Variants in PPP5C observed in about 807,000 individuals in gnomAD.
PPP5C encodes the protein protein phosphatase 5 catalytic subunit, also known as serine/threonine-protein phosphatase 5.
A neutral mutation model predicts 66.7 loss-of-function variants in PPP5C; 21 were observed. The ratio of observed to expected loss-of-function variants is 0.31; its 90% confidence interval spans 0.22 to 0.45. PPP5C has a LOEUF of 0.45. Ranked by LOEUF, PPP5C falls within the 20% of genes least tolerant of loss-of-function variation. The pLI, the probability that PPP5C is intolerant of heterozygous loss-of-function variation, is 1.00. For synonymous variants in PPP5C, 246 were observed against 257.4 expected (o/e 0.96, Z 0.43); for missense variants, 464 against 675.9 (o/e 0.69, Z 3.48).
intron 1 of PPP5C, among the ~76,000 whole-genome samples, chr19:46,348,670 G>A (rs1173139989): frequency 6.6e-6 from 1 of 152,090 alleles, no homozygotes; most frequent in Non-Finnish European, 1.5e-5. Flanking sequence ...GAATTTGGGT[G>A]TGATCAAACT....
rs139173580 is a variant in PPP5C, at chr19:46,354,657, C to T, written c.363+668C>T. 3.6e-3 allele frequency among the ~76,000 whole-genome samples: 554 copies of T among 152,134 alleles called. 1 individual carries two copies. Among genetic ancestry groups the T allele is most frequent in the African/African-American group, 0.013 (540 of 41,506 alleles). Reference sequence around the variant, plus strand: ...ACAAAAAATACAAAAATTAGCCAAGCGTGGTGGCACGCACCTTTAGTCCCA... The same window carrying T: ...ACAAAAAATACAAAAATTAGCCAAGTGTGGTGGCACGCACCTTTAGTCCCA... On this transcript the variant is annotated intron_variant, in intron 2 of 12. Transcript: ENST00000012443.
At chr19:46,371,101 A>ATC (rs35030288) in intron 2 of PPP5C, among the ~76,000 whole-genome samples, 84,380 of 151,626 alleles carry the variant, frequency 0.56, 23,684 homozygotes, top group South Asian at 0.74. Context: ...CTCATGATGG[A>ATC]TGTCCCTCAC....
In PPP5C at chr19:46,356,329, C is replaced by T. The variant is rs569902188; in HGVS notation, c.363+2340C>T. Among the ~76,000 whole-genome samples, 13 of 152,368 alleles carry T rather than the reference C, an allele frequency of 8.5e-5. No homozygotes were observed. In the South Asian group the frequency reaches 1.4e-3, roughly 17 times the overall value. ...AGGCCTTCAGCCTTGCTCCTTTCTGCGCAGTTCTTCAGGCTCCATGTGCCC... is the reference window on the plus strand; with the variant it reads ...AGGCCTTCAGCCTTGCTCCTTTCTGTGCAGTTCTTCAGGCTCCATGTGCCC... On this transcript the variant is annotated intron_variant, in intron 2 of 12. Transcript: ENST00000012443.
At chr19:46,356,251 A>ACC (rs919759347) in intron 2 of PPP5C, among the ~76,000 whole-genome samples, 1 of 151,940 alleles carries the variant, frequency 6.6e-6, no homozygotes, top group African/African-American at 2.4e-5. Context: ...AGCATTGGGG[A>ACC]CCCCCACATG....
At chr19:46,350,262 G>A (rs1404198837) in intron 1 of PPP5C, among the ~76,000 whole-genome samples, 1 of 152,224 alleles carries the variant, frequency 6.6e-6, no homozygotes, top group African/African-American at 2.4e-5. Flanking sequence ...GGCAGAATAA[G>A]TGAAGTGACT....
chr19:46,387,328 G>A (rs1257530727), intron 8 of PPP5C, 38 bp from the exon 9 acceptor site: 1 of 1,608,532 alleles, frequency 6.2e-7, no homozygotes. Context: ...GTGGGTGGGT[G>A]GCACCTTCCC....
At chr19:46,375,948 A>G (rs2147389789) in intron 3 of PPP5C, among the ~76,000 whole-genome samples, 197 bp downstream of exon 3, 1 of 152,238 alleles carries the variant, frequency 6.6e-6, no homozygotes, top group East Asian at 1.9e-4. Context: ...AGTGAGCGAG[A>G]TTGGAGAGCC....
chr19:46,373,945 G>T (rs1972643230), intron 2 of PPP5C, among the ~76,000 whole-genome samples: 1 of 152,188 alleles, frequency 6.6e-6, no homozygotes, highest in Non-Finnish European at 1.5e-5. Flanking sequence ...CAGCATGCCG[G>T]GGACATGAGT....
At position 46,347,194 on chromosome 19, in the gene PPP5C, C is replaced by A; in HGVS notation, c.98C>A (p.Thr33Asn). The change falls in exon 1 of 13, where the codon ACT becomes AAT. Residue 33 changes from threonine to asparagine, a missense_variant. Around this residue, in one of 2 missense-constraint regions of PPP5C, gnomAD observed 77 missense variants for 49.9 expected, o/e 1.54. Coordinates refer to ENST00000012443, the MANE Select transcript of PPP5C (RefSeq NM_006247.4). ...CTGAAGCGGGCAGAGGAGCTCAAGACTCAGGCCAATGACTACTTCAAAGGT... is the reference window on the plus strand; with the variant it reads ...CTGAAGCGGGCAGAGGAGCTCAAGAATCAGGCCAATGACTACTTCAAAGGT... ...GALKRAEELKTQANDYFKAKD... is the reference protein window; with the variant it reads ...GALKRAEELKNQANDYFKAKD... 6.2e-7 allele frequency: 1 copy of A among 1,607,046 alleles called. No individual in the cohort carries two copies. Among genetic ancestry groups the A allele is most frequent in the Admixed American group, 1.7e-5 (1 of 59,274 alleles).
chr19:46,390,896 G>T lies in PPP5C; in HGVS notation c.*550G>T. 8 of 1,168,652 alleles carry T rather than the reference G, an allele frequency of 6.8e-6. No homozygotes were observed. Among genetic ancestry groups the T allele is most frequent in the Non-Finnish European group, 8.6e-6 (8 of 928,650 alleles). The allele number at this position is 1,168,652 out of a possible 1,614,324, so 72.4% of individuals were successfully genotyped here. On this transcript the variant is annotated 3_prime_UTR_variant, in exon 13 of 13. Transcript: ENST00000012443. Reference sequence around the variant, plus strand: ...GAGCCGAAGGAGCTGCCCGGGTTGGGTTACGCCTGCTCAGGAGATCCGGAG... The same window carrying T: ...GAGCCGAAGGAGCTGCCCGGGTTGGTTTACGCCTGCTCAGGAGATCCGGAG...
At chr19:46,379,972 T>C (rs1972762365) in intron 4 of PPP5C, among the ~76,000 whole-genome samples, 1 of 152,228 alleles carries the variant, frequency 6.6e-6, no homozygotes, top group Non-Finnish European at 1.5e-5. Context: ...CTTGTCCTAT[T>C]CTACTTTCAA....
intron 2 of PPP5C, among the ~76,000 whole-genome samples, chr19:46,372,109 A>G (rs1024276276): frequency 4.6e-5 from 7 of 152,098 alleles, no homozygotes; most frequent in Admixed American, 3.9e-4. Context: ...ATGGCCGTGT[A>G]TGTGCTTGTG....
intron 2 of PPP5C, among the ~76,000 whole-genome samples, chr19:46,358,821 A>G (rs893292519): frequency 6.6e-6 from 1 of 152,166 alleles, no homozygotes; most frequent in Admixed American, 6.5e-5. Flanking sequence ...ACAGGGTGTA[A>G]GTGATGGCAT....
intron 6 of PPP5C, 125 bp downstream of exon 6, chr19:46,384,003 T>C (rs1279601019): frequency 1.2e-6 from 1 of 811,282 alleles, no homozygotes; most frequent in East Asian, 2.5e-5. Flanking sequence ...GGCCTGGCCA[T>C]GCTGGGGCAC....
intron 2 of PPP5C, among the ~76,000 whole-genome samples, chr19:46,364,646 T>C: frequency 6.6e-6 from 1 of 152,054 alleles, no homozygotes. Context: ...AAGGGTTTTC[T>C]GGGGGAGTTT....
chr19:46,364,034 A>G (rs570014196), intron 2 of PPP5C, among the ~76,000 whole-genome samples: 2 of 152,340 alleles, frequency 1.3e-5, no homozygotes, highest in Non-Finnish European at 1.5e-5. Context: ...ATCAAAGAAC[A>G]GGACTTAGAG....
chr19:46,364,234 A>G (rs1972454310), intron 2 of PPP5C, among the ~76,000 whole-genome samples: 1 of 152,200 alleles, frequency 6.6e-6, no homozygotes, highest in African/African-American at 2.4e-5. Context: ...GTGTGCATAC[A>G]TATGTAGCCA....
At position 46,361,128 on chromosome 19, in the gene PPP5C, A is replaced by ATTTTTTTTTTTTTTTTTTTTTT. The variant is rs202038384; in HGVS notation, c.363+7139_363+7140insTTTTTTTTTTTTTTTTTTTTTT. 3.0e-5 allele frequency among the ~76,000 whole-genome samples: 4 copies of ATTTTTTTTTTTTTTTTTTTTTT among 133,416 alleles called. 1 individual carries two copies. The highest frequency in any genetic ancestry group is 8.4e-5 in the African/African-American group (3 of 35,606). The allele number at this position is 133,416 out of a possible 152,430, so 87.5% of individuals were successfully genotyped here. On this transcript the variant is annotated intron_variant, in intron 2 of 12. Coordinates refer to ENST00000012443, the MANE Select transcript of PPP5C (RefSeq NM_006247.4). Reference sequence around the variant, plus strand: ...TTTACCCAAAAGATAAGTGAAAGAAAATTTTTTTTTTTTTTTTTTGAGACG... The same window carrying ATTTTTTTTTTTTTTTTTTTTTT: ...TTTACCCAAAAGATAAGTGAAAGAAATTTTTTTTTTTTTTTTTTTTTTATTTTTTTTTTTTTTTTTTGAGACG...
In PPP5C at chr19:46,376,499, G is replaced by A; in HGVS notation, c.558G>A (p.Val186=). The change falls in exon 4 of 13, where the codon GTG becomes GTA. Residue 186 remains valine (V), a synonymous_variant. Transcript: ENST00000012443. This position sits in a 1 kb window ranked among gnomAD's most constrained non-coding sequence, Gnocchi z 5.1. ...GACCCAAGCTTGAAGACGGCAAAGT[G>A]ACAATCAGTTTCATGAAGGAGCTCA... ...YSGPKLEDGK[V]TISFMKELMQ... is the part of the protein sequence containing the mutation. The A allele has an allele frequency of 1.2e-6, 2 of 1,613,890 alleles. No individual in the cohort carries two copies. Among genetic ancestry groups the A allele is most frequent in the Non-Finnish European group, 1.7e-6 (2 of 1,179,930 alleles).
Sources: allele counts gnomAD v4.1 joint callset (sites outside exome capture counted in the v4.1 genomes callset), GRCh38; gene constraint gnomAD v4.1.1; regional missense constraint gnomAD v4.1.1; non-coding constraint Gnocchi (gnomAD v3.1); transcripts MANE v1.5; gene names NCBI Gene and HGNC (gene_info 2026-07-23, HGNC 2026-07-21).